The following SOX13 variants were observed in gnomAD, a reference collection of about 807,000 sequenced individuals.
SOX13 encodes SRY-box transcription factor 13, also known as transcription factor SOX-13.
SOX13 carries 28 observed loss-of-function variants against 71.8 expected under a neutral mutation model. That is an observed-to-expected ratio of 0.39 (90% CI 0.29 to 0.53). The LOEUF is 0.53. SOX13 is among the 20% of genes least tolerant of loss of function. The pLI is 0.70. For missense variants in SOX13, 627 were observed against 810.3 expected (o/e 0.77, Z 2.75); for synonymous variants, 309 against 317.8 (o/e 0.97, Z 0.29).
chr1:204,083,387 G>A (rs1271615943), intron 1 of SOX13, among the ~76,000 whole-genome samples: 1 of 152,142 alleles, frequency 6.6e-6, no homozygotes, highest in African/African-American at 2.4e-5. Context: ...TGCCTCACCT[G>A]ACAGCAACCC....
At chr1:204,117,959 C>T (rs919053828) in intron 7 of SOX13, 2 of 501,378 alleles carry the variant, frequency 4.0e-6, no homozygotes, top group Admixed American at 3.2e-5. Flanking sequence ...CTAGTCTCTC[C>T]AACTCTAGTA....
intron 4 of SOX13, among the ~76,000 whole-genome samples, chr1:204,115,657 CTTTT>C (rs771014997): frequency 4.0e-4 from 23 of 57,408 alleles, no homozygotes; most frequent in Admixed American, 3.3e-3. Context: ...GCTTCTTCTT[CTTTT>C]TTTTTTTTTT....
intron 1 of SOX13, among the ~76,000 whole-genome samples, chr1:204,076,344 G>C (rs1249531578): frequency 6.6e-6 from 1 of 152,184 alleles, no homozygotes; most frequent in Non-Finnish European, 1.5e-5. Context: ...CCCAGGGGAA[G>C]AGTCAGGTGG....
chr1:204,082,711 C>T (rs1193540734), intron 1 of SOX13, among the ~76,000 whole-genome samples: 1 of 152,146 alleles, frequency 6.6e-6, no homozygotes, highest in African/African-American at 2.4e-5. Flanking sequence ...TCCTCCCTAT[C>T]CAGTAAACTC....
intron 1 of SOX13, among the ~76,000 whole-genome samples, chr1:204,093,974 T>C (rs1656199559): frequency 6.6e-6 from 1 of 152,170 alleles, no homozygotes; most frequent in South Asian, 2.1e-4. Flanking sequence ...TATACTTTTG[T>C]CTCTCAGAGA....
chr1:204,123,993 C>T lies in SOX13; in HGVS notation c.1375+189C>T, dbSNP rs1289473849. Among the ~76,000 whole-genome samples, 3 of 152,082 alleles carry T rather than the reference C, an allele frequency of 2.0e-5. No homozygotes were observed. Among genetic ancestry groups the T allele is most frequent in the Admixed American group, 6.6e-5 (1 of 15,260 alleles). On this transcript the variant is annotated intron_variant, in intron 12 of 13. Transcript: ENST00000367204. This position sits in a 1 kb window ranked among gnomAD's most constrained non-coding sequence, Gnocchi z 5.0. ...TGGGGTCTTATATCACTGAAGTGTT[C>T]GGTAGCACCTGTCCTCAAGAACTCA...
intron 1 of SOX13, among the ~76,000 whole-genome samples, chr1:204,102,385 A>G (rs1273382925): frequency 2.0e-5 from 3 of 152,192 alleles, no homozygotes; most frequent in African/African-American, 7.2e-5. Context: ...AGAGGAAATG[A>G]GGGAGCTCAT....
chr1:204,088,166 T>A (rs1656062979), intron 1 of SOX13, among the ~76,000 whole-genome samples: 1 of 152,182 alleles, frequency 6.6e-6, no homozygotes, highest in South Asian at 2.1e-4. Flanking sequence ...GGCCCTCATT[T>A]ACCTTCTCCT....
chr1:204,113,013 G>C lies in SOX13; in HGVS notation c.98G>C (p.Cys33Ser). ...AAGTCAGAGGAGAAGAAAGAGCCTT[G>C]CCACGAGGCCCCCCAGGGCTCAGCC... is the stretch of plus-strand genomic sequence containing the variant. Reference protein sequence around the residue: ...TIKSEEKKEPCHEAPQGSATA... With the variant: ...TIKSEEKKEPSHEAPQGSATA... Residue 33 changes from cysteine to serine, a missense_variant, in exon 2 of 14, where the codon TGC becomes TCC. Cys to Ser is a moderately radical substitution (Grantham distance 112). This residue lies in a region of SOX13 where 447 missense variants were observed against 532.2 expected (regional missense o/e 0.84). Coordinates refer to ENST00000367204, the MANE Select transcript of SOX13 (RefSeq NM_005686.3). 6.2e-7 allele frequency: 1 copy of C among 1,613,096 alleles called. No homozygotes were observed.
Position 204,123,487 on chromosome 1 carries a change from A to G in SOX13, c.1232-174A>G, listed in dbSNP as rs1656854597. Among the ~76,000 whole-genome samples, 1 of 151,976 alleles carries G rather than the reference A, an allele frequency of 6.6e-6. No homozygotes were observed. Among genetic ancestry groups the G allele is most frequent in the South Asian group, 2.1e-4 (1 of 4,814 alleles). ...GTTCCCTGGCTGGGCCTCTGCGGAT[A>G]ATTTGCTGTTTCTTCTGCCCCATCT... On this transcript the variant is annotated intron_variant, in intron 11 of 13. Coordinates refer to ENST00000367204, the MANE Select transcript of SOX13 (RefSeq NM_005686.3). The surrounding 1 kb of genome is among the most constrained non-coding windows in gnomAD (Gnocchi z 5.0).
chr1:204,107,629 T>C (rs1478705284), intron 1 of SOX13, among the ~76,000 whole-genome samples: 3 of 152,012 alleles, frequency 2.0e-5, no homozygotes, highest in Non-Finnish European at 4.4e-5. Flanking sequence ...AAGCAGCTGC[T>C]CTTCTCAAGC....
chr1:204,123,908 C>G lies in SOX13; in HGVS notation c.1375+104C>G, dbSNP rs1037983996. On this transcript the variant is annotated intron_variant, in intron 12 of 13. Transcript: ENST00000367204. This position sits in a 1 kb window ranked among gnomAD's most constrained non-coding sequence, Gnocchi z 5.0. ...GTGATATTCCATACTGTGTTGGACT[C>G]CAGTGGAATCTGACGACAGGGGTGC... is the stretch of plus-strand genomic sequence containing the variant. 12 of 1,311,760 alleles carry G rather than the reference C, an allele frequency of 9.1e-6. No individual in the cohort carries two copies. Among genetic ancestry groups the G allele is most frequent in the Non-Finnish European group, 1.2e-5 (11 of 945,524 alleles). 81.3% of individuals were successfully genotyped at this position (1,311,760 alleles called of 1,614,324 possible).
rs1173216713 is a variant in SOX13 at position 204,117,722 on chromosome 1, G to A, written c.775+15G>A. 1.3e-6 allele frequency: 2 copies of A among 1,576,710 alleles called. No individual in the cohort carries two copies. The highest frequency in any genetic ancestry group is 2.7e-5 in the African/African-American group (2 of 74,332). On this transcript the variant is annotated intron_variant, in intron 7 of 13. Transcript: ENST00000367204. Reference sequence around the variant, plus strand: ...CTGCAAACCAGGTGAGTGTGAGAAGGGAGGTTCCACCACTGCGGCCAGCCT... The same window carrying A: ...CTGCAAACCAGGTGAGTGTGAGAAGAGAGGTTCCACCACTGCGGCCAGCCT...
chr1:204,090,399 C>T (rs1216507361), intron 1 of SOX13, among the ~76,000 whole-genome samples: 2 of 138,072 alleles, frequency 1.4e-5, no homozygotes, highest in South Asian at 2.4e-4. Context: ...CTCAAGACTT[C>T]TTCTTCTTCT....
chr1:204,102,726 A>AT (rs1558215724), intron 1 of SOX13, among the ~76,000 whole-genome samples: 4 of 151,384 alleles, frequency 2.6e-5, no homozygotes, highest in African/African-American at 9.7e-5. Flanking sequence ...GGGAGCAAAC[A>AT]TTTTTTTGAT....
intron 1 of SOX13, among the ~76,000 whole-genome samples, chr1:204,091,052 C>T (rs1656131654): frequency 6.6e-6 from 1 of 152,210 alleles, no homozygotes; most frequent in Non-Finnish European, 1.5e-5. Context: ...ATGGGTGGCT[C>T]ATTCATTCAG....
intron 1 of SOX13, among the ~76,000 whole-genome samples, chr1:204,109,464 A>G (rs1656534274): frequency 6.6e-6 from 1 of 152,190 alleles, no homozygotes; most frequent in Non-Finnish European, 1.5e-5. Context: ...TTGCATTACA[A>G]TTACCTACGG....
At chr1:204,124,070 C>T (rs1199906016) in intron 12 of SOX13, among the ~76,000 whole-genome samples, 1 of 152,170 alleles carries the variant, frequency 6.6e-6, no homozygotes, top group African/African-American at 2.4e-5. Context: ...TGATCTAAAC[C>T]TAACCTGTTC....
chr1:204,077,315 G>C (rs886089510), intron 1 of SOX13, among the ~76,000 whole-genome samples: 19 of 152,244 alleles, frequency 1.2e-4, no homozygotes, highest in Admixed American at 1.2e-3. Context: ...CCATCAGAGA[G>C]TTTTAAGTGG....
Sources: allele counts gnomAD v4.1 joint callset (sites outside exome capture counted in the v4.1 genomes callset), GRCh38; gene constraint gnomAD v4.1.1; regional missense constraint gnomAD v4.1.1; non-coding constraint Gnocchi (gnomAD v3.1); transcripts MANE v1.5; gene names NCBI Gene and HGNC (gene_info 2026-07-23, HGNC 2026-07-21).